Variants in SORCS1 observed in about 807,000 individuals in gnomAD.
SORCS1 encodes the protein sortilin related VPS10 domain containing receptor 1.
In SORCS1, 60 loss-of-function variants were observed where a neutral mutation model predicts 146.1. The ratio of observed to expected loss-of-function variants is 0.41; its 90% CI spans 0.33 to 0.51. The LOEUF (loss-of-function observed/expected upper bound fraction) is 0.51, where lower values mean the gene tolerates loss of function less well. Ranked by LOEUF, SORCS1 falls within the 20% of genes least tolerant of loss-of-function variation. SORCS1 has a pLI of 0.21. For synonymous variants in SORCS1, 637 were observed against 584.0 expected, an observed-to-expected ratio of 1.09 and a Z score of -1.31; for missense variants, 1,352 against 1,487.6, an observed-to-expected ratio of 0.91 and a Z score of 1.50.
chr10:106,599,084 T>C (rs1846076750), intron 23 of SORCS1, among the ~76,000 whole-genome samples: 1 of 152,206 alleles, frequency 6.6e-6, no homozygotes, highest in African/African-American at 2.4e-5. Context: ...GATTCAGGTT[T>C]ACAGAAGTGG....
At position 106,767,980 on chromosome 10, in the gene SORCS1, T is replaced by A. The variant is rs1354619284; in HGVS notation, c.886-6319A>T. On this transcript the variant is annotated intron_variant, in intron 4 of 25. Coordinates refer to ENST00000263054, the MANE Select transcript of SORCS1 (RefSeq NM_052918.5). ...TTTCTCCTTATTCTTGTAGCTCTATTTTTTTTTCCCGAAATCATTAGAAAC... is the reference window on the plus strand; with the variant it reads ...TTTCTCCTTATTCTTGTAGCTCTATATTTTTTTCCCGAAATCATTAGAAAC... 3.3e-5 allele frequency among the ~76,000 whole-genome samples: 5 copies of A among 152,104 alleles called. No homozygotes were observed. The East Asian group carries it at 9.6e-4, about 29-fold the overall frequency.
At chr10:107,048,514 T>A (rs1590017595) in intron 1 of SORCS1, among the ~76,000 whole-genome samples, 1 of 152,222 alleles carries the variant, frequency 6.6e-6, no homozygotes, top group Non-Finnish European at 1.5e-5. Flanking sequence ...GTAGCCCCAA[T>A]GACTAGGACT....
At chr10:106,643,846 C>T (rs1849231578) in intron 18 of SORCS1, among the ~76,000 whole-genome samples, 1 of 152,178 alleles carries the variant, frequency 6.6e-6, no homozygotes, top group Non-Finnish European at 1.5e-5. Flanking sequence ...CTATCATTTG[C>T]ACAAAGGTTG....
intron 1 of SORCS1, among the ~76,000 whole-genome samples, chr10:107,146,063 C>T (rs539628856): frequency 6.6e-6 from 1 of 152,258 alleles, no homozygotes; most frequent in Admixed American, 6.5e-5. Context: ...CCTTATATAA[C>T]AGAATTTGCC....
At chr10:106,944,214 C>A (rs886276543) in intron 2 of SORCS1, among the ~76,000 whole-genome samples, 3 of 152,156 alleles carry the variant, frequency 2.0e-5, no homozygotes, top group Admixed American at 6.5e-5. Context: ...CTCATCAACC[C>A]TTTTACTTGC....
intron 1 of SORCS1, among the ~76,000 whole-genome samples, chr10:107,101,912 T>C (rs912654698): frequency 2.0e-5 from 3 of 152,170 alleles, no homozygotes; most frequent in African/African-American, 7.2e-5. Flanking sequence ...AGTTTGTATA[T>C]ACATGTAACC....
chr10:106,711,543 C>A (rs753256474), intron 6 of SORCS1, among the ~76,000 whole-genome samples: 2 of 152,196 alleles, frequency 1.3e-5, no homozygotes, highest in South Asian at 2.1e-4. Flanking sequence ...TCCCTCTGAC[C>A]AATGACTGAT....
chr10:106,590,070 T>A (rs1307691600), intron 24 of SORCS1, among the ~76,000 whole-genome samples: 2 of 152,186 alleles, frequency 1.3e-5, no homozygotes, highest in Non-Finnish European at 2.9e-5. Context: ...ATACTAATTA[T>A]GAATATTTGA....
At chr10:106,794,441 G>C (rs916946158) in intron 3 of SORCS1, among the ~76,000 whole-genome samples, 2 of 151,794 alleles carry the variant, frequency 1.3e-5, no homozygotes, top group African/African-American at 4.8e-5. Flanking sequence ...TTAAACACTG[G>C]AAATATTCCT....
intron 2 of SORCS1, among the ~76,000 whole-genome samples, chr10:106,947,903 AG>A (rs1426060798): frequency 1.4e-4 from 21 of 152,164 alleles, no homozygotes; most frequent in Non-Finnish European, 2.6e-4. Flanking sequence ...GGTTGTTAAA[AG>A]GATAAAAGAA....
intron 10 of SORCS1, among the ~76,000 whole-genome samples, chr10:106,680,063 C>T (rs1448395170): frequency 2.0e-5 from 3 of 152,106 alleles, no homozygotes; most frequent in Non-Finnish European, 4.4e-5. Context: ...AATCTTTTAA[C>T]AGCCATAAAA....
At chr10:106,948,551 G>A (rs916025167) in intron 2 of SORCS1, among the ~76,000 whole-genome samples, 10 of 151,888 alleles carry the variant, frequency 6.6e-5, no homozygotes, top group Non-Finnish European at 2.9e-5. Context: ...GTGTGTACCT[G>A]TAGTACCAGT....
intron 1 of SORCS1, among the ~76,000 whole-genome samples, chr10:107,009,305 C>A (rs193027212): frequency 6.6e-6 from 1 of 152,306 alleles, no homozygotes; most frequent in East Asian, 1.9e-4. Context: ...TGGAGTAGCA[C>A]CATTTTCAAT....
chr10:107,017,943 T>G (rs574521590), intron 1 of SORCS1, among the ~76,000 whole-genome samples: 3 of 151,372 alleles, frequency 2.0e-5, no homozygotes, highest in African/African-American at 7.3e-5. Flanking sequence ...TGGGATTACA[T>G]GCATGAACCA....
intron 17 of SORCS1, among the ~76,000 whole-genome samples, chr10:106,661,578 G>A (rs930876582): frequency 1.3e-5 from 2 of 152,164 alleles, no homozygotes; most frequent in Non-Finnish European, 2.9e-5. Flanking sequence ...TATTGGTGAT[G>A]ACACACATTT....
intron 1 of SORCS1, among the ~76,000 whole-genome samples, chr10:107,113,416 C>T (rs889797481): frequency 6.6e-5 from 10 of 152,040 alleles, no homozygotes; most frequent in South Asian, 2.1e-4. Context: ...AGGCCAGGCG[C>T]GGTGCCTTGC....
chr10:107,089,494 C>T (rs1199738312), intron 1 of SORCS1, among the ~76,000 whole-genome samples: 3 of 152,120 alleles, frequency 2.0e-5, no homozygotes, highest in East Asian at 3.9e-4. Flanking sequence ...TTTCCATGTG[C>T]TTTAATATCA....
intron 1 of SORCS1, among the ~76,000 whole-genome samples, chr10:107,100,498 A>G (rs1964845645): frequency 6.7e-6 from 1 of 149,786 alleles, no homozygotes; most frequent in Non-Finnish European, 1.5e-5. Context: ...TGGGCAACAG[A>G]GCAAGACTCC....
intron 1 of SORCS1, among the ~76,000 whole-genome samples, chr10:106,981,094 G>T (rs986592875): frequency 3.3e-5 from 5 of 152,134 alleles, no homozygotes; most frequent in Non-Finnish European, 7.4e-5. Context: ...GACTCAGAAA[G>T]TCTATTTTCC....
Sources: gnomAD v4.1 joint callset for allele counts (sites outside exome capture counted in the v4.1 genomes callset) on GRCh38, gnomAD v4.1.1 for gene constraint, MANE v1.5 for transcripts, NCBI Gene and HGNC (gene_info 2026-07-23, HGNC 2026-07-21) for gene names.